Variants in EPHX2 observed in about 807,000 individuals in gnomAD.
EPHX2 encodes epoxide hydrolase 2, also known as bifunctional epoxide hydrolase 2.
Under a neutral mutation model 78.7 loss-of-function variants are expected in EPHX2, and 74 were observed. That is an observed-to-expected ratio of 0.94 (90% confidence interval 0.78 to 1.14). The LOEUF is 1.14. EPHX2 is among the 50% of genes most tolerant of loss of function. EPHX2 has a pLI of 0.00. For missense variants in EPHX2, 715 were observed against 702.5 expected (o/e 1.02, Z -0.20); for synonymous variants, 251 against 255.2 (o/e 0.98, Z 0.16).
intron 1 of EPHX2, among the ~76,000 whole-genome samples, chr8:27,496,509 T>C (rs1813579528): frequency 6.6e-6 from 1 of 152,198 alleles, no homozygotes; most frequent in African/African-American, 2.4e-5. Flanking sequence ...ACCATTCTGC[T>C]TCCTCTGGTA....
At chr8:27,533,671 T>C (rs1815118363) in intron 12 of EPHX2, among the ~76,000 whole-genome samples, 1 of 152,220 alleles carries the variant, frequency 6.6e-6, no homozygotes, top group African/African-American at 2.4e-5. Context: ...CACTGCATTC[T>C]TGACTTCCTG....
intron 12 of EPHX2, among the ~76,000 whole-genome samples, chr8:27,530,965 G>A (rs142941182): frequency 1.8e-4 from 28 of 151,844 alleles, no homozygotes; most frequent in Middle Eastern, 3.4e-3. Flanking sequence ...GTTTCTCCAT[G>A]TTGGTCAGGC....
chr8:27,498,988 AG>A (rs1421431065), intron 1 of EPHX2, among the ~76,000 whole-genome samples: 30 of 152,192 alleles, frequency 2.0e-4, no homozygotes, highest in African/African-American at 6.5e-4. Flanking sequence ...TCCAAGGTTG[AG>A]GGGTTGCATC....
At chr8:27,528,002 AGCCATGCT>A (rs886757161) in intron 12 of EPHX2, among the ~76,000 whole-genome samples, 5 of 152,108 alleles carry the variant, frequency 3.3e-5, no homozygotes, top group African/African-American at 1.2e-4. Flanking sequence ...CCTCCAACTA[AGCCATGCT>A]GGAGGGGAGC....
chr8:27,503,554 G>T (rs376604986), intron 2 of EPHX2, 50 bp from the exon 3 acceptor site: 52 of 1,553,214 alleles, frequency 3.3e-5, no homozygotes, highest in Non-Finnish European at 4.5e-5. Context: ...GACCCTGCCA[G>T]AGCTTTTCTG....
intron 12 of EPHX2, among the ~76,000 whole-genome samples, chr8:27,528,249 T>C (rs1234974963): frequency 2.0e-5 from 3 of 152,196 alleles, no homozygotes; most frequent in Non-Finnish European, 4.4e-5. Context: ...AGTGAGAGTT[T>C]TGGGGACAGT....
rs4149237 is a variant in EPHX2 at position 27,500,852 on chromosome 8, T to C, written c.102-74T>C. The C allele has an allele frequency of 4.2e-4, 560 of 1,340,074 alleles. 4 individuals carry two copies. The East Asian group carries it at 0.013, about 31-fold the overall frequency. 83.0% of individuals were successfully genotyped at this position (1,340,074 alleles called of 1,614,324 possible). A position where few individuals can be genotyped will look rare whatever the true frequency, so the allele number is the denominator to read the frequency against. On this transcript the variant is annotated intron_variant, in intron 1 of 18. Transcript: ENST00000521400. ...TCTAGTGGCTGCTTCTCAATGAATA[T>C]GAACAGTGTCTGTTTCCATGTGCTG...
At chr8:27,509,189 C>T (rs967541328) in intron 5 of EPHX2, among the ~76,000 whole-genome samples, 1 of 152,066 alleles carries the variant, frequency 6.6e-6, no homozygotes, top group South Asian at 2.1e-4. Flanking sequence ...CATGTTGCAG[C>T]GTGGGTCTGA....
Position 27,506,874 on chromosome 8 carries a change from C to T in EPHX2, c.540C>T (p.Val180=), listed in dbSNP as rs191851085. The change falls in exon 5 of 19, where the codon GTC becomes GTT. Residue 180 remains valine (V), a splice_region_variant and synonymous_variant. Transcript: ENST00000521400. ...LDTLKASPSE[V]VFLDDIGANL... ...CTCCCATGCTGTTTTGGGCTCAGGT[C>T]GTTTTTTTGGATGACATCGGGGCTA... is the stretch of plus-strand genomic sequence containing the variant. 5.0e-5 allele frequency: 81 copies of T among 1,613,722 alleles called. No homozygotes were observed. The highest frequency in any genetic ancestry group is 1.6e-4 in the African/African-American group (12 of 75,022).
intron 10 of EPHX2, 151 bp downstream of exon 10, chr8:27,521,060 C>T: frequency 1.2e-6 from 1 of 820,682 alleles, no homozygotes; most frequent in South Asian, 1.5e-5. Context: ...CAGGGAAAAT[C>T]ACAAAAACAA....
chr8:27,546,782 T>C (rs1300629321), downstream of EPHX2, among the ~76,000 whole-genome samples: 1 of 152,196 alleles, frequency 6.6e-6, no homozygotes. Flanking sequence ...ATATAACTGG[T>C]TATACAAGAT....
chr8:27,506,789 T>TTA (rs1814021407), intron 4 of EPHX2, 83 bp from the exon 5 acceptor site: 1 of 1,537,638 alleles, frequency 6.5e-7, no homozygotes, highest in Admixed American at 2.1e-5. Context: ...AAAAGAGTTT[T>TTA]TAATCTCCTC....
chr8:27,516,052 G>C (rs1814438767), intron 7 of EPHX2, among the ~76,000 whole-genome samples: 2 of 152,234 alleles, frequency 1.3e-5, no homozygotes, highest in African/African-American at 2.4e-5. Context: ...CCCCTGCTGG[G>C]AAGTCTCTGT....
intron 16 of EPHX2, among the ~76,000 whole-genome samples, chr8:27,542,849 G>T (rs115046242): frequency 6.6e-6 from 1 of 152,076 alleles, no homozygotes; most frequent in East Asian, 1.9e-4. Flanking sequence ...ACCATGTTGC[G>T]CAGGGTGGTC....
At chr8:27,538,576 G>A (rs1815285919) in intron 13 of EPHX2, 83 bp from the exon 14 acceptor site, 1 of 1,317,340 alleles carries the variant, frequency 7.6e-7, no homozygotes, top group Admixed American at 2.0e-5. Context: ...TTTGTCATTT[G>A]TCGTAACAGG....
chr8:27,538,765 C>G (rs1023698880), intron 14 of EPHX2, 73 bp downstream of exon 14: 2 of 1,528,402 alleles, frequency 1.3e-6, no homozygotes, highest in African/African-American at 2.7e-5. Context: ...TCTCTGACTG[C>G]TATGGGCAGA....
At chr8:27,503,860 T>C (rs1451774871) in intron 3 of EPHX2, 97 bp downstream of exon 3, 2 of 1,420,124 alleles carry the variant, frequency 1.4e-6, no homozygotes, top group Non-Finnish European at 1.9e-6. Flanking sequence ...AGATCACAGA[T>C]CTTCTGAGCC....
At chr8:27,526,903 C>T (rs1030697424) in intron 12 of EPHX2, among the ~76,000 whole-genome samples, 2 of 151,968 alleles carry the variant, frequency 1.3e-5, no homozygotes, top group Non-Finnish European at 2.9e-5. Context: ...GGTGTGTGCC[C>T]CCACACCTGG....
In EPHX2 at chr8:27,536,841, A is replaced by AGAGCAAGC. The variant is rs1176488598; in HGVS notation, c.1231_1238dup (p.Asp413GlufsTer21). 6.2e-7 allele frequency: 1 copy of AGAGCAAGC among 1,613,672 alleles called. No homozygotes were observed. Among genetic ancestry groups the AGAGCAAGC allele is most frequent in the African/African-American group, 1.3e-5 (1 of 74,944 alleles). On this transcript the variant is annotated frameshift_variant, in exon 13 of 19. Transcript: ENST00000521400. LOFTEE classifies it high-confidence loss of function. The stretch of plus-strand genomic sequence containing the variant: ...GAGTCGGACTTTCAAAAGCCTCTTC[A>AGAGCAAGC]GAGCAAGCGATGAGGTGAGGGGTGG...
Sources: gnomAD v4.1 joint callset for allele counts (sites outside exome capture counted in the v4.1 genomes callset) on GRCh38, gnomAD v4.1.1 for gene constraint, MANE v1.5 for transcripts, NCBI Gene and HGNC (gene_info 2026-07-23, HGNC 2026-07-21) for gene names.